The following SETBP1 variants were observed in gnomAD, a reference collection of about 807,000 sequenced individuals.
SETBP1 encodes SET-binding protein.
In SETBP1, 9 loss-of-function variants were observed where a neutral mutation model predicts 101.0. The observed-to-expected ratio is 0.09, with a 90% confidence interval of 0.05 to 0.16. The LOEUF (loss-of-function observed/expected upper bound fraction) is 0.16. SETBP1 is among the 10% of genes least tolerant of loss of function. The pLI, the probability that SETBP1 is intolerant of heterozygous loss-of-function variation, is 1.00. For missense variants in SETBP1, 1,858 were observed against 2,033.8 expected (o/e 0.91, Z 1.66); for synonymous variants, 818 against 788.5 (o/e 1.04, Z -0.63).
In SETBP1 at chr18:44,950,378, C is replaced by T. The variant is rs367985500; in HGVS notation, c.1038C>T (p.Thr346=). ...GTAAAAAAGATGTGATAAGTCAGAC[C>T]ATACCAAACCCAGACCTGGATTGGG... The part of the protein sequence containing the change: ...KSSKKDVISQ[T]IPNPDLDWVK... Residue 346 remains threonine (T), a synonymous_variant, in exon 4 of 6, where the codon ACC becomes ACT. Transcript: ENST00000649279. 58 of 1,613,972 alleles carry T rather than the reference C, an allele frequency of 3.6e-5. No individual in the cohort carries two copies. Among genetic ancestry groups the T allele is most frequent in the Non-Finnish European group, 4.7e-5 (56 of 1,180,046 alleles).
At chr18:44,867,323 T>G (rs1251361665) in intron 2 of SETBP1, among the ~76,000 whole-genome samples, 1 of 152,168 alleles carries the variant, frequency 6.6e-6, no homozygotes, top group Non-Finnish European at 1.5e-5. Flanking sequence ...GGATTGGCCA[T>G]TTCCTTTTTC....
At chr18:45,004,339 G>C (rs923335836) in intron 4 of SETBP1, among the ~76,000 whole-genome samples, 1 of 152,162 alleles carries the variant, frequency 6.6e-6, no homozygotes, top group Non-Finnish European at 1.5e-5. Context: ...TACACCGATG[G>C]TTGGCGTGAT....
chr18:44,701,538 C>T lies in SETBP1; in HGVS notation c.192C>T (p.Gly64=), dbSNP rs1203802037. The change falls in exon 2 of 6, where the codon GGC becomes GGT. Residue 64 remains glycine, a synonymous_variant. Coordinates refer to ENST00000649279, the MANE Select transcript of SETBP1 (RefSeq NM_015559.3). ...RMEPEEEDEL[G]SGRDVDSNSN... ...AGCCAGAGGAGGAGGATGAACTAGG[C>T]TCAGGGCGGGATGTGGATTCCAACT... The T allele has an allele frequency of 6.2e-7, 1 of 1,614,124 alleles. No homozygotes were observed. The highest frequency in any genetic ancestry group is 8.5e-7 in the Non-Finnish European group (1 of 1,179,984).
At chr18:44,944,301 AG>A (rs545180439) in intron 3 of SETBP1, among the ~76,000 whole-genome samples, 139 of 152,324 alleles carry the variant, frequency 9.1e-4, no homozygotes, top group African/African-American at 3.1e-3. Context: ...ATATCCTAAC[AG>A]GCCTATGGTG....
Position 44,997,986 on chromosome 18 carries a change from T to G in SETBP1, c.4001-40499T>G, listed in dbSNP as rs549350900. On this transcript the variant is annotated intron_variant, in intron 4 of 5. Transcript: ENST00000649279. ...AAGCTCATTAAATAAGTAACAAAAC[T>G]GGAATCTTTAGCACATATTGTAACT... Among the ~76,000 whole-genome samples, 5 of 152,268 alleles carry G rather than the reference T, an allele frequency of 3.3e-5. No individual in the cohort carries two copies. The East Asian group carries it at 9.6e-4, about 29-fold the overall frequency.
intron 2 of SETBP1, among the ~76,000 whole-genome samples, chr18:44,751,105 G>T (rs1448863838): frequency 6.6e-6 from 1 of 152,220 alleles, no homozygotes; most frequent in Non-Finnish European, 1.5e-5. Context: ...TCTCCTGCAG[G>T]ACATGGCAAA....
chr18:44,874,259 C>T (rs774670798), intron 3 of SETBP1, among the ~76,000 whole-genome samples: 2 of 152,166 alleles, frequency 1.3e-5, no homozygotes, highest in Non-Finnish European at 2.9e-5. Flanking sequence ...TTTTCGAATA[C>T]TCAGTCCATA....
intron 4 of SETBP1, among the ~76,000 whole-genome samples, chr18:45,004,595 G>T (rs984923485): frequency 1.3e-5 from 2 of 152,212 alleles, no homozygotes; most frequent in African/African-American, 4.8e-5. Context: ...GTTAGGACCA[G>T]GTGTCCTGAG....
intron 4 of SETBP1, among the ~76,000 whole-genome samples, chr18:45,025,919 A>G (rs2073156022): frequency 6.6e-6 from 1 of 152,208 alleles, no homozygotes; most frequent in Non-Finnish European, 1.5e-5. Flanking sequence ...GTTTAGACAT[A>G]TATTTATGTG....
chr18:44,886,754 T>TTTTTTTTTA (rs1555696288), intron 3 of SETBP1, among the ~76,000 whole-genome samples: 1 of 143,102 alleles, frequency 7.0e-6, no homozygotes, highest in African/African-American at 2.6e-5. Context: ...GACTGTACAT[T>TTTTTTTTTA]TTATTATTAT....
At chr18:44,759,637 A>T (rs913232010) in intron 2 of SETBP1, among the ~76,000 whole-genome samples, 9 of 152,186 alleles carry the variant, frequency 5.9e-5, no homozygotes, top group African/African-American at 2.2e-4. Context: ...ATTCAGTCTA[A>T]AATAAAAAGA....
intron 2 of SETBP1, among the ~76,000 whole-genome samples, chr18:44,756,944 C>G (rs924016437): frequency 6.6e-6 from 1 of 152,166 alleles, no homozygotes; most frequent in African/African-American, 2.4e-5. Context: ...TTCAAAATGA[C>G]ATTACCGGTT....
intron 2 of SETBP1, among the ~76,000 whole-genome samples, chr18:44,830,515 A>G (rs1174833827): frequency 1.3e-5 from 2 of 152,038 alleles, no homozygotes; most frequent in Non-Finnish European, 2.9e-5. Context: ...TGTAGGGGAG[A>G]TGTTTGGAAG....
intron 2 of SETBP1, among the ~76,000 whole-genome samples, chr18:44,853,812 A>G: frequency 6.6e-6 from 1 of 151,898 alleles, no homozygotes. Flanking sequence ...CAACGTGCAA[A>G]TTACTTTTTC....
rs187190571 is a variant in SETBP1 at position 44,789,092 on chromosome 18, C to T, written c.487-80138C>T. 3.9e-5 allele frequency among the ~76,000 whole-genome samples: 6 copies of T among 152,068 alleles called. 1 individual carries two copies. Among genetic ancestry groups the T allele is most frequent in the South Asian group, 4.1e-4 (2 of 4,822 alleles). ...TGTGGGGATTACAAGTGTGAGCCAC[C>T]GCACCCGGCTTCCTCCTGTTTTAAA... is the stretch of plus-strand genomic sequence containing the variant. On this transcript the variant is annotated intron_variant, in intron 2 of 5. Coordinates refer to ENST00000649279, the MANE Select transcript of SETBP1 (RefSeq NM_015559.3).
At chr18:44,812,922 G>A (rs920209623) in intron 2 of SETBP1, among the ~76,000 whole-genome samples, 3 of 152,216 alleles carry the variant, frequency 2.0e-5, no homozygotes, top group East Asian at 1.9e-4. Flanking sequence ...GGCCAGAAGT[G>A]TTGCCAAGAT....
intron 2 of SETBP1, among the ~76,000 whole-genome samples, chr18:44,863,551 A>G (rs558740138): frequency 2.5e-4 from 38 of 152,348 alleles, no homozygotes; most frequent in African/African-American, 9.1e-4. Context: ...CTTCCATTCT[A>G]GAGCCAAAGT....
At chr18:44,875,214 T>G (rs2069369557) in intron 3 of SETBP1, among the ~76,000 whole-genome samples, 1 of 152,150 alleles carries the variant, frequency 6.6e-6, no homozygotes. Context: ...AAGTTCAGCA[T>G]CAACACTTAG....
At chr18:44,692,188 G>C (rs966170216) in intron 1 of SETBP1, among the ~76,000 whole-genome samples, 7 of 152,162 alleles carry the variant, frequency 4.6e-5, no homozygotes, top group Non-Finnish European at 8.8e-5. Flanking sequence ...ATGCTAGCTT[G>C]GTGATCAACT....
Sources: allele counts gnomAD v4.1 joint callset (sites outside exome capture counted in the v4.1 genomes callset), GRCh38; gene constraint gnomAD v4.1.1; transcripts MANE v1.5; gene names NCBI Gene and HGNC (gene_info 2026-07-23, HGNC 2026-07-21).